The following HMBOX1 variants were observed in gnomAD, a reference collection of about 807,000 sequenced individuals.
The protein encoded by HMBOX1 is homeobox containing 1, also known as homeobox-containing protein 1.
HMBOX1 carries 14 observed loss-of-function variants against 54.5 expected under a neutral mutation model. The observed-to-expected ratio is 0.26, with a 90% CI of 0.17 to 0.40. The LOEUF (loss-of-function observed/expected upper bound fraction) is 0.40. Ranked by LOEUF, HMBOX1 falls within the 10% of genes least tolerant of loss-of-function variation. The probability of loss-of-function intolerance (pLI) is 1.00; values close to 1 mark genes in which losing one functional copy is unlikely to be tolerated. For missense variants in HMBOX1, 332 were observed against 514.4 expected, an observed-to-expected ratio of 0.65 and a Z score of 3.43; for synonymous variants, 160 against 181.0, an observed-to-expected ratio of 0.88 and a Z score of 0.93.
Position 29,051,208 on chromosome 8 carries a change from A to G in HMBOX1, c.*53A>G. 2 of 1,592,862 alleles carry G rather than the reference A, an allele frequency of 1.3e-6. No individual in the cohort carries two copies. The highest frequency in any genetic ancestry group is 1.7e-6 in the Non-Finnish European group (2 of 1,166,704). ...CTTAGTTTAGACGTAGCACCTTAGC[A>G]GACTTTCCTCGGTCCTTAACATGTG... is the stretch of plus-strand genomic sequence containing the variant. On this transcript the variant is annotated 3_prime_UTR_variant, in exon 10 of 10. Coordinates refer to ENST00000287701, the MANE Select transcript of HMBOX1 (RefSeq NM_001135726.3).
chr8:29,035,755 G>A (rs1803755373), intron 6 of HMBOX1, among the ~76,000 whole-genome samples: 1 of 152,194 alleles, frequency 6.6e-6, no homozygotes, highest in Non-Finnish European at 1.5e-5. Context: ...TAAATAAAAT[G>A]GAGAGCTAAG....
chr8:28,925,831 T>C (rs926324985), intron 1 of HMBOX1, among the ~76,000 whole-genome samples: 2 of 152,216 alleles, frequency 1.3e-5, no homozygotes, highest in Non-Finnish European at 2.9e-5. Context: ...CTAATGACTT[T>C]TCTCTCAATT....
intron 4 of HMBOX1, among the ~76,000 whole-genome samples, chr8:29,006,297 C>G (rs1003011105): frequency 6.6e-6 from 1 of 152,060 alleles, no homozygotes; most frequent in Non-Finnish European, 1.5e-5. Flanking sequence ...CTGGCCGATG[C>G]ATTCTATTAT....
At chr8:29,013,063 C>G (rs1393662618) in intron 5 of HMBOX1, among the ~76,000 whole-genome samples, 1 of 152,064 alleles carries the variant, frequency 6.6e-6, no homozygotes. Flanking sequence ...ATTTAGAAAA[C>G]AAAAATGTTT....
At chr8:28,939,576 C>T (rs141736296) in intron 1 of HMBOX1, among the ~76,000 whole-genome samples, 4,444 of 151,938 alleles carry the variant, frequency 0.029, 235 homozygotes, top group African/African-American at 0.1. Context: ...GGTGCCATCT[C>T]GGCTCACTGC....
chr8:28,898,894 C>G (rs1339822060), intron 1 of HMBOX1, among the ~76,000 whole-genome samples: 2 of 152,088 alleles, frequency 1.3e-5, no homozygotes. Context: ...TGGAAAGCAC[C>G]TTTTATATGA....
chr8:28,964,726 AC>A (rs1826156145), intron 2 of HMBOX1, among the ~76,000 whole-genome samples: 1 of 52,764 alleles, frequency 1.9e-5, no homozygotes, highest in African/African-American at 7.2e-5. Flanking sequence ...TAGTTCCCCC[AC>A]CCCCACCCCA....
intron 6 of HMBOX1, among the ~76,000 whole-genome samples, chr8:29,044,637 G>A (rs145436602): frequency 3.5e-4 from 53 of 152,068 alleles, no homozygotes; most frequent in African/African-American, 1.2e-3. Context: ...GCAAACTTAC[G>A]TACACATAGG....
At chr8:28,906,498 GTTTAAT>G (rs2131617368) in intron 1 of HMBOX1, among the ~76,000 whole-genome samples, 1 of 152,224 alleles carries the variant, frequency 6.6e-6, no homozygotes, top group African/African-American at 2.4e-5. Flanking sequence ...TTGAAACATT[GTTTAAT>G]TTTATGTCCA....
intron 1 of HMBOX1, among the ~76,000 whole-genome samples, chr8:28,957,247 T>A (rs187472437): frequency 2.0e-5 from 3 of 152,340 alleles, no homozygotes; most frequent in Non-Finnish European, 2.9e-5. Context: ...AACAAAATCA[T>A]GTCCTTTGCA....
intron 1 of HMBOX1, among the ~76,000 whole-genome samples, chr8:28,907,298 T>TG (rs1352255366): frequency 2.6e-5 from 4 of 152,212 alleles, no homozygotes; most frequent in African/African-American, 9.7e-5. Context: ...GGGAGTAAGA[T>TG]GTTCTTGTCT....
intron 4 of HMBOX1, 126 bp downstream of exon 4, chr8:28,980,282 T>C (rs1829121212): frequency 1.4e-6 from 1 of 720,034 alleles, no homozygotes; most frequent in Non-Finnish European, 2.5e-6. Context: ...TAATTATGTA[T>C]GCCTGTGATT....
chr8:28,896,048 C>G (rs1416938948), intron 1 of HMBOX1, among the ~76,000 whole-genome samples: 1 of 152,208 alleles, frequency 6.6e-6, no homozygotes, highest in Non-Finnish European at 1.5e-5. Flanking sequence ...GTCATACCAC[C>G]TGTGTCCAAA....
At chr8:28,907,196 T>C (rs1814507579) in intron 1 of HMBOX1, among the ~76,000 whole-genome samples, 1 of 152,196 alleles carries the variant, frequency 6.6e-6, no homozygotes, top group African/African-American at 2.4e-5. Context: ...GTGTTTTGCA[T>C]TGTTGGTATT....
At chr8:28,958,073 A>T (rs1824794166) in intron 1 of HMBOX1, among the ~76,000 whole-genome samples, 1 of 152,128 alleles carries the variant, frequency 6.6e-6, no homozygotes, top group African/African-American at 2.4e-5. Context: ...AGAGAAACTT[A>T]ATTTTAAAAG....
At chr8:28,896,824 T>C (rs1009300339) in intron 1 of HMBOX1, among the ~76,000 whole-genome samples, 3 of 152,208 alleles carry the variant, frequency 2.0e-5, no homozygotes, top group Non-Finnish European at 4.4e-5. Context: ...TCTCAGAGTG[T>C]ATCTCTGTCA....
At chr8:28,917,147 C>T (rs978311347) in intron 1 of HMBOX1, among the ~76,000 whole-genome samples, 3 of 151,652 alleles carry the variant, frequency 2.0e-5, no homozygotes, top group Non-Finnish European at 2.9e-5. Context: ...TTGTGTTGGC[C>T]GTTAGAGCAA....
At chr8:29,016,790 G>A (rs943328339) in intron 5 of HMBOX1, among the ~76,000 whole-genome samples, 2 of 152,202 alleles carry the variant, frequency 1.3e-5, no homozygotes, top group Admixed American at 6.5e-5. Flanking sequence ...GTCCTCACAC[G>A]GCAGCTAGTT....
intron 4 of HMBOX1, among the ~76,000 whole-genome samples, chr8:29,003,699 C>T (rs912891143): frequency 3.3e-5 from 5 of 150,766 alleles, no homozygotes; most frequent in South Asian, 2.1e-4. Flanking sequence ...ATTTTATCTG[C>T]GTGCATTTAT....
Sources: allele counts gnomAD v4.1 joint callset (sites outside exome capture counted in the v4.1 genomes callset), GRCh38; gene constraint gnomAD v4.1.1; transcripts MANE v1.5; gene names NCBI Gene and HGNC (gene_info 2026-07-23, HGNC 2026-07-21).